MMD: variants seen among roughly 807,000 people sequenced by gnomAD.
MMD encodes monocyte to macrophage differentiation associated.
MMD carries 22 observed loss-of-function variants against 33.6 expected under a neutral mutation model. That is an observed-to-expected ratio of 0.66 (90% CI 0.47 to 0.94). The LOEUF (loss-of-function observed/expected upper bound fraction) is 0.94. Among genes scored for constraint, MMD ranks in the 40% least tolerant of loss-of-function variants. MMD has a pLI of 0.00. For missense variants in MMD, 242 were observed against 309.8 expected, an observed-to-expected ratio of 0.78 and a Z score of 1.64; for synonymous variants, 97 against 103.2, an observed-to-expected ratio of 0.94 and a Z score of 0.36.
chr17:55,416,675 A>T (rs943963946), intron 1 of MMD, among the ~76,000 whole-genome samples: 2 of 152,204 alleles, frequency 1.3e-5, no homozygotes, highest in African/African-American at 4.8e-5. Flanking sequence ...GCAGATGTAA[A>T]ATGTAAATCA....
At chr17:55,412,513 AC>A (rs1174914906) in intron 2 of MMD, among the ~76,000 whole-genome samples, 1 of 152,228 alleles carries the variant, frequency 6.6e-6, no homozygotes, top group African/African-American at 2.4e-5. Flanking sequence ...TCTTACAATG[AC>A]AGAAGCTCCC....
rs757706530 is a variant in MMD, at chr17:55,403,882, C to T, written c.345-14G>A. 13 of 1,582,804 alleles carry T rather than the reference C, an allele frequency of 8.2e-6. No homozygotes were observed. Among genetic ancestry groups the T allele is most frequent in the Admixed American group, 1.7e-5 (1 of 59,068 alleles). On this transcript the variant is annotated splice_polypyrimidine_tract_variant and intron_variant, in intron 4 of 6. Transcript: ENST00000262065. The stretch of plus-strand genomic sequence containing the variant: ...CGAAGATTTAACCTAAAAATGTAAA[C>T]GTGACAACAAAGAACAGAAGTGATA...
chr17:55,411,207 C>T (rs749013801), intron 3 of MMD, 50 bp downstream of exon 3: 13 of 1,568,120 alleles, frequency 8.3e-6, no homozygotes, highest in Admixed American at 7.2e-5. Flanking sequence ...GTACCAAACA[C>T]GTTGAGTCAA....
intron 1 of MMD, among the ~76,000 whole-genome samples, chr17:55,416,340 T>G (rs1907966831): frequency 6.6e-6 from 1 of 152,190 alleles, no homozygotes; most frequent in Non-Finnish European, 1.5e-5. Context: ...TGGATGGCCA[T>G]GTTTGTGACA....
At chr17:55,397,680 A>G (rs8071724) in intron 6 of MMD, among the ~76,000 whole-genome samples, 5,568 of 151,860 alleles carry the variant, frequency 0.037, 300 homozygotes, top group African/African-American at 0.13. Context: ...AGCTGGGATT[A>G]CAGGAGTTCT....
chr17:55,397,913 ATCT>A (rs1163081530), intron 6 of MMD, among the ~76,000 whole-genome samples: 1 of 151,952 alleles, frequency 6.6e-6, no homozygotes, highest in Non-Finnish European at 1.5e-5. Flanking sequence ...GTCAGTGGTC[ATCT>A]TCTCTCCTTG....
At chr17:55,415,578 T>A (rs1907935421) in intron 1 of MMD, among the ~76,000 whole-genome samples, 1 of 152,206 alleles carries the variant, frequency 6.6e-6, no homozygotes, top group Non-Finnish European at 1.5e-5. Context: ...GTGCCAAGTT[T>A]ATTAATAAAA....
At position 55,403,723 on chromosome 17, in the gene MMD, G is replaced by A. The variant is rs776344599; in HGVS notation, c.446+44C>T. On this transcript the variant is annotated intron_variant, in intron 5 of 6. Coordinates refer to ENST00000262065, the MANE Select transcript of MMD (RefSeq NM_012329.3). ...GTATTGCAGTGCAGATAATATTTAG[G>A]CAGTCAATTTTAAAACTATCAAATG... 2.8e-6 allele frequency: 4 copies of A among 1,417,772 alleles called. No homozygotes were observed. In the South Asian group the frequency reaches 4.8e-5, roughly 17 times the overall value. 87.8% of individuals were successfully genotyped at this position (1,417,772 alleles called of 1,614,324 possible).
At chr17:55,399,363 T>C (rs1293701891) in intron 6 of MMD, among the ~76,000 whole-genome samples, 1 of 152,222 alleles carries the variant, frequency 6.6e-6, no homozygotes, top group African/African-American at 2.4e-5. Context: ...TTCATTCTGT[T>C]ACTGTGTTAG....
chr17:55,400,060 T>C (rs59236892), intron 6 of MMD, among the ~76,000 whole-genome samples: 2,685 of 152,234 alleles, frequency 0.018, 75 homozygotes, highest in African/African-American at 0.061. Flanking sequence ...CTCCTTACCA[T>C]TCCCTGTTGC....
chr17:55,407,669 A>C (rs573801265), intron 4 of MMD, 77 bp downstream of exon 4: 2 of 1,339,406 alleles, frequency 1.5e-6, no homozygotes, highest in African/African-American at 1.5e-5. Flanking sequence ...TGGGGACAAG[A>C]GGGAGAAAGG....
intron 1 of MMD, among the ~76,000 whole-genome samples, chr17:55,419,872 C>T (rs992338408): frequency 6.6e-6 from 1 of 152,062 alleles, no homozygotes; most frequent in Non-Finnish European, 1.5e-5. Flanking sequence ...CTATGCCACA[C>T]CAAAAGAAAA....
intron 3 of MMD, among the ~76,000 whole-genome samples, chr17:55,408,064 G>A (rs1356883877): frequency 4.6e-5 from 7 of 152,188 alleles, no homozygotes; most frequent in Admixed American, 3.9e-4. Context: ...CATAGGGACA[G>A]GGCCCCATGA....
chr17:55,403,998 G>A, intron 4 of MMD, 130 bp from the exon 5 acceptor site: 1 of 670,400 alleles, frequency 1.5e-6, no homozygotes, highest in Non-Finnish European at 2.5e-6. Flanking sequence ...ACATCAAGCA[G>A]GCATTTGGGC....
At chr17:55,412,311 G>T (rs1907796632) in intron 2 of MMD, among the ~76,000 whole-genome samples, 1 of 152,200 alleles carries the variant, frequency 6.6e-6, no homozygotes. Flanking sequence ...ACTGCAGAAT[G>T]TAAGAGTTTT....
At position 55,393,169 on chromosome 17, in the gene MMD, T is replaced by G. The variant is rs551265676; in HGVS notation, c.*1165A>C. 6.6e-6 allele frequency: 1 copy of G among 150,652 alleles called. No individual in the cohort carries two copies. The highest frequency in any genetic ancestry group is 1.5e-5 in the Non-Finnish European group (1 of 67,850). The allele number at this position is 150,652 out of a possible 1,614,324, so 9.3% of individuals were successfully genotyped here. A position where few individuals can be genotyped will look rare whatever the true frequency, so the allele number is the denominator to read the frequency against. On this transcript the variant is annotated 3_prime_UTR_variant, in exon 7 of 7. Transcript: ENST00000262065. ...AGTAAAAATAATACATAAATATCACTCCACTGAGCCAGGATATAACTCATG... is the reference window on the plus strand; with the variant it reads ...AGTAAAAATAATACATAAATATCACGCCACTGAGCCAGGATATAACTCATG...
chr17:55,405,300 G>A (rs1014991589), intron 4 of MMD, among the ~76,000 whole-genome samples: 3 of 151,668 alleles, frequency 2.0e-5, no homozygotes, highest in Admixed American at 1.3e-4. Context: ...AACCCAGGAG[G>A]CAGAGGTTGC....
intron 6 of MMD, among the ~76,000 whole-genome samples, chr17:55,398,188 T>C (rs1320109896): frequency 6.6e-6 from 1 of 151,632 alleles, no homozygotes; most frequent in Non-Finnish European, 1.5e-5. Flanking sequence ...ATTTCTTTCT[T>C]CTTTTGTTCA....
intron 5 of MMD, among the ~76,000 whole-genome samples, chr17:55,402,488 G>A (rs1907385540): frequency 6.6e-6 from 1 of 152,164 alleles, no homozygotes. Flanking sequence ...CAGGAACCAA[G>A]ATTAATTATG....
Sources: allele counts gnomAD v4.1 joint callset (sites outside exome capture counted in the v4.1 genomes callset), GRCh38; gene constraint gnomAD v4.1.1; transcripts MANE v1.5; gene names NCBI Gene and HGNC (gene_info 2026-07-23, HGNC 2026-07-21).